The following BBOX1 variants were observed in gnomAD, a reference collection of about 807,000 sequenced individuals.
BBOX1 encodes gamma-butyrobetaine dioxygenase.
BBOX1 carries 35 observed loss-of-function variants against 41.6 expected under a neutral mutation model. That is an observed-to-expected ratio of 0.84 (90% CI 0.64 to 1.11). The LOEUF (loss-of-function observed/expected upper bound fraction) is 1.11, where lower values mean the gene tolerates loss of function less well. BBOX1 is among the 50% of genes most tolerant of loss of function. The probability of loss-of-function intolerance (pLI) is 0.00; values close to 1 mark genes in which losing one functional copy is unlikely to be tolerated. For synonymous variants in BBOX1, 163 were observed against 154.7 expected (o/e 1.05, Z -0.40); for missense variants, 458 against 460.6 (o/e 0.99, Z 0.05).
intron 7 of BBOX1, among the ~76,000 whole-genome samples, chr11:27,120,460 G>A (rs554761184): frequency 6.6e-6 from 1 of 152,202 alleles, no homozygotes; most frequent in South Asian, 2.1e-4. Flanking sequence ...TTCAACTCTG[G>A]AGCAGGGTCA....
Position 27,055,421 on chromosome 11 carries a change from G to T in BBOX1, c.-10G>T. On this transcript the variant is annotated 5_prime_UTR_variant, in exon 3 of 9. Coordinates refer to ENST00000263182, the MANE Select transcript of BBOX1 (RefSeq NM_003986.3). The stretch of plus-strand genomic sequence containing the variant: ...GTAGCTGACAGCATCTACTCCTGAA[G>T]ACCGGAAACATGGCTTGTACCATCC... 6.2e-7 allele frequency: 1 copy of T among 1,611,338 alleles called. No homozygotes were observed. The highest frequency in any genetic ancestry group is 8.5e-7 in the Non-Finnish European group (1 of 1,178,716).
chr11:27,064,905 T>TG (rs1491333984), intron 4 of BBOX1, among the ~76,000 whole-genome samples: 2 of 67,882 alleles, frequency 2.9e-5, no homozygotes, highest in Non-Finnish European at 7.4e-5. Flanking sequence ...GTGTCAGACA[T>TG]GAAAAAAAAA....
intron 5 of BBOX1, among the ~76,000 whole-genome samples, chr11:27,104,211 A>G (rs1279943426): frequency 2.0e-5 from 3 of 152,078 alleles, no homozygotes; most frequent in Non-Finnish European, 4.4e-5. Flanking sequence ...TCCCCTCCGA[A>G]GTTTAACCGC....
chr11:27,073,220 A>T lies in BBOX1; in HGVS notation c.334+15905A>T, dbSNP rs563842987. Among the ~76,000 whole-genome samples the T allele has an allele frequency of 2.0e-5, 3 of 152,334 alleles. No individual in the cohort carries two copies. The East Asian group carries it at 5.8e-4, about 29-fold the overall frequency. On this transcript the variant is annotated intron_variant, in intron 4 of 8. Coordinates refer to ENST00000263182, the MANE Select transcript of BBOX1 (RefSeq NM_003986.3). ...AATGAACTCAAACAAATTTACAAGA[A>T]AAAAGCAAACAACCCCCTCAAAAAG... is the stretch of plus-strand genomic sequence containing the variant.
intron 5 of BBOX1, among the ~76,000 whole-genome samples, chr11:27,112,691 AC>A (rs1295836797): frequency 5.9e-5 from 9 of 151,968 alleles, no homozygotes; most frequent in Admixed American, 5.9e-4. Flanking sequence ...AAAACCTAAA[AC>A]TATACAAACT....
intron 4 of BBOX1, among the ~76,000 whole-genome samples, chr11:27,087,138 C>T (rs1310967823): frequency 1.3e-5 from 2 of 152,088 alleles, no homozygotes; most frequent in African/African-American, 4.8e-5. Flanking sequence ...TAGAATACTA[C>T]ATAAATGCTG....
intron 4 of BBOX1, among the ~76,000 whole-genome samples, chr11:27,075,849 T>C (rs1322758624): frequency 1.3e-5 from 2 of 152,182 alleles, no homozygotes; most frequent in Non-Finnish European, 2.9e-5. Flanking sequence ...GCCCTAGCTG[T>C]GTCTGCAGTG....
At chr11:27,059,237 AAG>A (rs1857070866) in intron 4 of BBOX1, among the ~76,000 whole-genome samples, 1 of 152,248 alleles carries the variant, frequency 6.6e-6, no homozygotes, top group Non-Finnish European at 1.5e-5. Flanking sequence ...AAGCTACTGT[AAG>A]ACTTGGTGGC....
At chr11:27,076,974 C>A (rs1188701076) in intron 4 of BBOX1, among the ~76,000 whole-genome samples, 1 of 152,084 alleles carries the variant, frequency 6.6e-6, no homozygotes, top group Non-Finnish European at 1.5e-5. Flanking sequence ...CAGAACTCCC[C>A]AGAAGACAGC....
At chr11:27,047,936 T>C (rs1460467672) in intron 2 of BBOX1, among the ~76,000 whole-genome samples, 1 of 152,184 alleles carries the variant, frequency 6.6e-6, no homozygotes, top group African/African-American at 2.4e-5. Context: ...CAATTAAAAC[T>C]AATAATCTTT....
chr11:27,049,777 T>C (rs139701415), intron 2 of BBOX1, among the ~76,000 whole-genome samples: 2 of 152,254 alleles, frequency 1.3e-5, no homozygotes, highest in East Asian at 1.9e-4. Flanking sequence ...AGATGTATGA[T>C]TTACAAATAT....
intron 2 of BBOX1, among the ~76,000 whole-genome samples, chr11:27,048,545 GATAGATAGATA>G (rs1851564990): frequency 6.6e-6 from 1 of 151,646 alleles, no homozygotes; most frequent in South Asian, 2.1e-4. Flanking sequence ...TAGATAGATA[GATAGATAGATA>G]ATAGATAGAT....
chr11:27,048,393 A>G (rs1457867661), intron 2 of BBOX1, among the ~76,000 whole-genome samples: 2 of 151,982 alleles, frequency 1.3e-5, no homozygotes, highest in African/African-American at 4.8e-5. Flanking sequence ...ACTTAGCATA[A>G]TGCCCTTCAG....
chr11:27,127,397 G>GTGGTCATGTCAAGGCTT lies in BBOX1; in HGVS notation c.1108_1109insTGGTCATGTCAAGGCTT (p.Asp370ValfsTer16). On this transcript the variant is annotated frameshift_variant, in exon 9 of 9. Coordinates refer to ENST00000263182, the MANE Select transcript of BBOX1 (RefSeq NM_003986.3). LOFTEE classifies it high-confidence loss of function. ...TCTAGAAGGAGCTTATGCTGACTGG[G>GTGGTCATGTCAAGGCTT]ATGTGGTCATGTCAAGGCTTCGTAT... 1.2e-6 allele frequency: 2 copies of GTGGTCATGTCAAGGCTT among 1,614,138 alleles called. No homozygotes were observed. The highest frequency in any genetic ancestry group is 2.2e-5 in the South Asian group (2 of 91,068).
At chr11:27,072,361 C>G (rs1251565211) in intron 4 of BBOX1, among the ~76,000 whole-genome samples, 1 of 152,164 alleles carries the variant, frequency 6.6e-6, no homozygotes, top group Non-Finnish European at 1.5e-5. Context: ...ATCCAACTTA[C>G]AGGGGACGTG....
intron 4 of BBOX1, chr11:27,062,969 T>C (rs1391860035): frequency 6.6e-6 from 1 of 152,280 alleles, no homozygotes; most frequent in Non-Finnish European, 1.5e-5. Flanking sequence ...ATCTGTGTTG[T>C]AGAAGGGCCT....
chr11:27,041,900 C>G (rs1158278332), intron 2 of BBOX1, among the ~76,000 whole-genome samples: 1 of 152,154 alleles, frequency 6.6e-6, no homozygotes, highest in Non-Finnish European at 1.5e-5. Context: ...TAATCCACAA[C>G]CCATCCCAAA....
intron 4 of BBOX1, among the ~76,000 whole-genome samples, chr11:27,074,064 TA>T (rs1011321050): frequency 6.6e-6 from 1 of 151,526 alleles, no homozygotes; most frequent in African/African-American, 2.4e-5. Context: ...AAGTATAATA[TA>T]AAAAAAAGTG....
chr11:27,096,027 CTGAG>C (rs1487935938), intron 5 of BBOX1, among the ~76,000 whole-genome samples: 1 of 151,832 alleles, frequency 6.6e-6, no homozygotes, highest in Non-Finnish European at 1.5e-5. Context: ...GGTATTTGGC[CTGAG>C]TATCAGGACT....
Sources: allele counts gnomAD v4.1 joint callset (sites outside exome capture counted in the v4.1 genomes callset), GRCh38; gene constraint gnomAD v4.1.1; transcripts MANE v1.5; gene names NCBI Gene and HGNC (gene_info 2026-07-23, HGNC 2026-07-21).